The following NOL11 variants were observed in gnomAD, a reference collection of about 807,000 sequenced individuals.
NOL11 encodes the protein nucleolar protein 11.
In NOL11, 42 loss-of-function variants were observed where a neutral mutation model predicts 93.0. The observed-to-expected ratio is 0.45, with a 90% CI of 0.35 to 0.58. The LOEUF is 0.58. NOL11 is among the 20% of genes least tolerant of loss of function. NOL11 has a pLI of 0.00. For missense variants in NOL11, 775 were observed against 841.8 expected (o/e 0.92, Z 0.98); for synonymous variants, 296 against 293.7 (o/e 1.01, Z -0.08).
At chr17:67,724,584 G>C (rs1177892598) in intron 6 of NOL11, among the ~76,000 whole-genome samples, 2 of 151,992 alleles carry the variant, frequency 1.3e-5, no homozygotes, top group African/African-American at 4.8e-5. Flanking sequence ...CACCCGCCTT[G>C]GCCTCCCAAA....
chr17:67,740,368 G>C (rs1387757053), intron 16 of NOL11, among the ~76,000 whole-genome samples: 3 of 152,058 alleles, frequency 2.0e-5, no homozygotes, highest in Non-Finnish European at 4.4e-5. Flanking sequence ...CCAACACTTT[G>C]AGAGGCTGAG....
At chr17:67,737,721 G>T in intron 12 of NOL11, 29 bp downstream of exon 12, 4 of 1,596,778 alleles carry the variant, frequency 2.5e-6, no homozygotes, top group Non-Finnish European at 3.4e-6. Flanking sequence ...CACACTGTAC[G>T]TGCATAATTC....
chr17:67,737,946 C>G lies in NOL11; in HGVS notation c.1503C>G (p.Thr501=). 1 of 1,610,536 alleles carries G rather than the reference C, an allele frequency of 6.2e-7. No homozygotes were observed. Among genetic ancestry groups the G allele is most frequent in the Non-Finnish European group, 8.5e-7 (1 of 1,179,094 alleles). Residue 501 remains threonine (T), a synonymous_variant, in exon 13 of 18, where the codon ACC becomes ACG. Transcript: ENST00000253247. ...TCCCTGACATTCCTGAATCAGTCACCTGTGCTTGCTTAAAAATTTTCTTGA... is the reference window on the plus strand; with the variant it reads ...TCCCTGACATTCCTGAATCAGTCACGTGTGCTTGCTTAAAAATTTTCTTGA... The part of the protein sequence containing the change: ...QQFPDIPESV[T]CACLKIFLSI...
chr17:67,730,999 AT>A (rs1299381091), intron 7 of NOL11, among the ~76,000 whole-genome samples: 1 of 152,050 alleles, frequency 6.6e-6, no homozygotes, highest in Admixed American at 6.6e-5. Context: ...TTCGGTTTTG[AT>A]TTGCATTTCC....
Position 67,718,026 on chromosome 17 carries a change from C to T in NOL11, c.79C>T (p.Gln27Ter), listed in dbSNP as rs767928181. 6.2e-7 allele frequency: 1 copy of T among 1,614,230 alleles called. No individual in the cohort carries two copies. The highest frequency in any genetic ancestry group is 8.5e-7 in the Non-Finnish European group (1 of 1,180,036). ...AGPEGLLGVE[Q>*]SDKTDQFLVT... ...GCCTGAAGGACTCCTAGGCGTGGAG[C>T]AGAGCGACAAAACAGACCAGTTTCT... Residue 27 changes from glutamine to a stop codon, truncating the protein, a stop_gained, in exon 1 of 18, where the codon CAG (glutamine) becomes TAG (stop). Coordinates refer to ENST00000253247, the MANE Select transcript of NOL11 (RefSeq NM_015462.5). LOFTEE classifies it high-confidence loss of function.
intron 9 of NOL11, 39 bp from the exon 10 acceptor site, chr17:67,736,627 C>A: frequency 7.3e-7 from 1 of 1,375,314 alleles, no homozygotes; most frequent in Non-Finnish European, 1.0e-6. Context: ...AAAAGTAAGT[C>A]AAAACATTCC....
At position 67,724,119 on chromosome 17, in the gene NOL11, GACAAGACGAAA is replaced by G. The variant is rs1379231388; in HGVS notation, c.593_603del (p.Gln198LeufsTer23). On this transcript the variant is annotated frameshift_variant, in exon 6 of 18. Transcript: ENST00000253247. LOFTEE classifies it high-confidence loss of function. The stretch of plus-strand genomic sequence containing the variant: ...TTAACCAAATATACACTCTTACTTG[GACAAGACGAAA>G]ACTCTGTTATAAAGAGTTTTACTGC... The G allele has an allele frequency of 6.3e-7, 1 of 1,594,092 alleles. No homozygotes were observed. Among genetic ancestry groups the G allele is most frequent in the Non-Finnish European group, 8.5e-7 (1 of 1,169,750 alleles).
intron 11 of NOL11, 46 bp from the exon 12 acceptor site, chr17:67,737,462 C>T: frequency 6.9e-7 from 1 of 1,448,378 alleles, no homozygotes; most frequent in Non-Finnish European, 9.4e-7. Context: ...TTCAGAGTGA[C>T]ATTCGTTAAT....
intron 6 of NOL11, among the ~76,000 whole-genome samples, chr17:67,725,297 C>T (rs1702331924): frequency 6.6e-6 from 1 of 152,190 alleles, no homozygotes; most frequent in South Asian, 2.1e-4. Flanking sequence ...AGGAGACTAA[C>T]AGCAGCTTTG....
In NOL11 at chr17:67,737,948, G is replaced by T; in HGVS notation, c.1505G>T (p.Cys502Phe). ...QFPDIPESVT[C>F]ACLKIFLSIG... ...CCTGACATTCCTGAATCAGTCACCT[G>T]TGCTTGCTTAAAAATTTTCTTGAGG... Residue 502 changes from cysteine to phenylalanine, a missense_variant, in exon 13 of 18, where the codon TGT becomes TTT. Cys to Phe is a radical substitution (Grantham distance 205, BLOSUM62 -2). Around this residue, in one of 2 missense-constraint regions of NOL11, gnomAD observed 416 missense variants for 525.2 expected, o/e 0.79. Coordinates refer to ENST00000253247, the MANE Select transcript of NOL11 (RefSeq NM_015462.5). 1 of 1,610,424 alleles carries T rather than the reference G, an allele frequency of 6.2e-7. No homozygotes were observed. The highest frequency in any genetic ancestry group is 1.7e-4 in the Middle Eastern group (1 of 6,022).
Position 67,721,400 on chromosome 17 carries a change from T to C in NOL11, c.335T>C (p.Ile112Thr). The change falls in exon 4 of 18, where the codon ATA becomes ACA. Residue 112 changes from isoleucine to threonine, a missense_variant. By Grantham distance (89) the Ile-to-Thr change is moderately conservative. Transcript: ENST00000253247. ...KATLSAEVYR[I>T]LSVQGTEPLV... is the part of the protein sequence containing the mutation. ...CAGTTGTCAGCAGAAGTATATAGGA[T>C]ACTTTCAGTGCAAGGGACAGAACCC... 2 of 1,602,452 alleles carry C rather than the reference T, an allele frequency of 1.2e-6. No individual in the cohort carries two copies. Among genetic ancestry groups the C allele is most frequent in the Non-Finnish European group, 1.7e-6 (2 of 1,176,636 alleles).
At chr17:67,720,050 A>G in intron 3 of NOL11, 88 bp downstream of exon 3, 2 of 1,233,644 alleles carry the variant, frequency 1.6e-6, no homozygotes, top group East Asian at 2.6e-5. Context: ...TTATTTTAAT[A>G]CCTCTGGGAA....
intron 7 of NOL11, among the ~76,000 whole-genome samples, chr17:67,727,983 G>A (rs1271063064): frequency 2.7e-5 from 4 of 148,778 alleles, no homozygotes; most frequent in Non-Finnish European, 4.5e-5. Context: ...TGTGCGAGCC[G>A]GGCACAGTAG....
At chr17:67,732,739 A>G (rs1446133380) in intron 7 of NOL11, among the ~76,000 whole-genome samples, 2 of 150,784 alleles carry the variant, frequency 1.3e-5, no homozygotes, top group Non-Finnish European at 3.0e-5. Context: ...ATGCCTGGCT[A>G]ATTTTTTATA....
chr17:67,735,579 T>C (rs1259349541), intron 8 of NOL11, among the ~76,000 whole-genome samples: 1 of 152,148 alleles, frequency 6.6e-6, no homozygotes, highest in Non-Finnish European at 1.5e-5. Context: ...AGTTTGCCCA[T>C]GCTATAGTAG....
intron 1 of NOL11, 94 bp from the exon 2 acceptor site, chr17:67,719,580 C>A: frequency 2.9e-6 from 2 of 680,832 alleles, no homozygotes; most frequent in Non-Finnish European, 4.9e-6. Flanking sequence ...TAAATGCTGT[C>A]ATTTTAATGG....
intron 16 of NOL11, among the ~76,000 whole-genome samples, chr17:67,741,180 C>T (rs1331701896): frequency 6.6e-6 from 1 of 152,178 alleles, no homozygotes; most frequent in Non-Finnish European, 1.5e-5. Context: ...AGTGATTCTC[C>T]TGCCTCAGCC....
chr17:67,723,867 C>T (rs1008842689), intron 5 of NOL11, among the ~76,000 whole-genome samples, 182 bp from the exon 6 acceptor site: 3 of 151,996 alleles, frequency 2.0e-5, no homozygotes, highest in Admixed American at 6.6e-5. Context: ...GATCACACCA[C>T]GGTAGCCCAG....
In NOL11 at chr17:67,737,636, A is replaced by G; in HGVS notation, c.1347A>G (p.Ser449=). 2 of 1,614,096 alleles carry G rather than the reference A, an allele frequency of 1.2e-6. No individual in the cohort carries two copies. Among genetic ancestry groups the G allele is most frequent in the Non-Finnish European group, 1.7e-6 (2 of 1,180,000 alleles). ...TGGAAAGGTGTAAAGCAGAACCATCATTTTATCCCCGGAACTGTCTGATGC... is the reference window on the plus strand; with the variant it reads ...TGGAAAGGTGTAAAGCAGAACCATCGTTTTATCCCCGGAACTGTCTGATGC... ...GLLERCKAEP[S]FYPRNCLMQL... Residue 449 remains serine, a synonymous_variant, in exon 12 of 18, where the codon TCA becomes TCG. Coordinates refer to ENST00000253247, the MANE Select transcript of NOL11 (RefSeq NM_015462.5).
Sources: allele counts gnomAD v4.1 joint callset (sites outside exome capture counted in the v4.1 genomes callset), GRCh38; gene constraint gnomAD v4.1.1; regional missense constraint gnomAD v4.1.1; transcripts MANE v1.5; gene names NCBI Gene and HGNC (gene_info 2026-07-23, HGNC 2026-07-21).